The following ERAP1 variants were observed in gnomAD, a reference collection of about 807,000 sequenced individuals.
ERAP1 encodes endoplasmic reticulum aminopeptidase 1, also known as adipocyte-derived leucine aminopeptidase.
ERAP1 carries 86 observed loss-of-function variants against 103.7 expected under a neutral mutation model. The ratio of observed to expected loss-of-function variants is 0.83; its 90% CI spans 0.70 to 0.99. The LOEUF is 0.99. Among genes scored for constraint, ERAP1 ranks in the 50% least tolerant of loss-of-function variants. ERAP1 has a pLI of 0.00. For synonymous variants in ERAP1, 398 were observed against 402.4 expected (o/e 0.99, Z 0.13); for missense variants, 1,009 against 1,128.4 (o/e 0.89, Z 1.52).
chr5:96,874,163 A>G, the ERAP1 span, among the ~76,000 whole-genome samples: 1 of 92,310 alleles, frequency 1.1e-5, no homozygotes, highest in African/African-American at 4.7e-5. Context: ...AGAAAGAAAG[A>G]AAGAAAGAAA....
At chr5:96,912,634 C>T in the ERAP1 span, 1 of 1,595,288 alleles carries the variant, frequency 6.3e-7, no homozygotes. Context: ...CTTGATATTA[C>T]AGTATACCAA....
At chr5:96,798,825 T>C (rs1326960181) in intron 3 of ERAP1, among the ~76,000 whole-genome samples, 1 of 151,788 alleles carries the variant, frequency 6.6e-6, no homozygotes, top group Non-Finnish European at 1.5e-5. Flanking sequence ...AATCATCTTT[T>C]CTTTTTAAAT....
the ERAP1 span, chr5:96,892,210 A>G: frequency 7.5e-7 from 1 of 1,330,882 alleles, no homozygotes; most frequent in Non-Finnish European, 1.1e-6. Flanking sequence ...AAATATGCTT[A>G]AAGGATCATA....
chr5:96,887,596 G>A, the ERAP1 span, among the ~76,000 whole-genome samples: 41 of 152,068 alleles, frequency 2.7e-4, no homozygotes, highest in African/African-American at 7.7e-4. Flanking sequence ...CACCGTGCCC[G>A]ACAGTTTCCA....
rs1774195198 is a variant in ERAP1 at position 96,775,932 on chromosome 5, G to A, written c.*464C>T. The A allele has an allele frequency of 3.9e-6, 4 of 1,020,112 alleles. No homozygotes were observed. The highest frequency in any genetic ancestry group is 1.7e-5 in the African/African-American group (1 of 57,986). The allele number at this position is 1,020,112 out of a possible 1,614,324, so 63.2% of individuals were successfully genotyped here. On this transcript the variant is annotated 3_prime_UTR_variant, in exon 19 of 19. Transcript: ENST00000443439. ...GGCATGGAGCAAGGAAGAGGGATGGGCAGCGGGTCTGGAGGGGTGAGCCGG... is the reference window on the plus strand; with the variant it reads ...GGCATGGAGCAAGGAAGAGGGATGGACAGCGGGTCTGGAGGGGTGAGCCGG...
the ERAP1 span, among the ~76,000 whole-genome samples, chr5:96,890,243 G>C: frequency 1.3e-5 from 2 of 152,226 alleles, no homozygotes. Context: ...CGAAGATTGG[G>C]TGGATGGTTT....
intron 1 of ERAP1, 117 bp from the exon 2 acceptor site, chr5:96,804,060 T>G (rs1364950322): frequency 1.8e-6 from 2 of 1,118,410 alleles, no homozygotes; most frequent in Non-Finnish European, 2.6e-6. Flanking sequence ...CTTCCAAAAG[T>G]ACTAGGTCTT....
At chr5:96,880,143 C>T in the ERAP1 span, 1 of 1,614,030 alleles carries the variant, frequency 6.2e-7, no homozygotes, top group Non-Finnish European at 8.5e-7. Flanking sequence ...CTGCTGGTTC[C>T]AGAGAAACTT....
chr5:96,930,586 T>C, the ERAP1 span, among the ~76,000 whole-genome samples: 2 of 152,222 alleles, frequency 1.3e-5, no homozygotes, highest in African/African-American at 4.8e-5. Flanking sequence ...CAACCCTTTA[T>C]GAGAAATAAC....
At chr5:96,867,456 C>T in the ERAP1 span, among the ~76,000 whole-genome samples, 17 of 152,176 alleles carry the variant, frequency 1.1e-4, no homozygotes, top group Admixed American at 1.0e-3. Context: ...GATGACTCTT[C>T]TCTGCTTCAA....
chr5:96,853,740 G>T, the ERAP1 span, among the ~76,000 whole-genome samples: 2 of 151,728 alleles, frequency 1.3e-5, no homozygotes, highest in East Asian at 1.9e-4. Context: ...GCTTTGGAAA[G>T]ATCACCCACT....
chr5:96,895,860 G>A, the ERAP1 span, among the ~76,000 whole-genome samples: 97 of 152,172 alleles, frequency 6.4e-4, no homozygotes, highest in Non-Finnish European at 1.3e-3. Context: ...TATCAAGGTG[G>A]TTAGTAATGG....
intron 1 of ERAP1, chr5:96,804,887 G>C (rs1275677456): frequency 6.6e-6 from 1 of 150,818 alleles, no homozygotes; most frequent in Non-Finnish European, 1.5e-5. Flanking sequence ...CAGAGTTGCA[G>C]TGAGCTGAGA....
the ERAP1 span, among the ~76,000 whole-genome samples, chr5:96,897,741 A>C: frequency 6.6e-6 from 1 of 152,204 alleles, no homozygotes; most frequent in African/African-American, 2.4e-5. Flanking sequence ...CTGCAAAGAA[A>C]ATAATTTTTT....
the ERAP1 span, among the ~76,000 whole-genome samples, chr5:96,858,818 C>A: frequency 6.6e-6 from 1 of 152,002 alleles, no homozygotes; most frequent in African/African-American, 2.4e-5. Context: ...AATAGAAGCC[C>A]AGCAAAGGAA....
At chr5:96,773,409 G>A (rs1432360830), downstream of ERAP1, 1 of 152,362 alleles carries the variant, frequency 6.6e-6, no homozygotes, top group African/African-American at 2.4e-5. Context: ...TAATTCTTAG[G>A]GTACTCATCT....
exon 20 of ERAP1, chr5:96,763,045 G>T (rs76641636): frequency 0.069 from 51,032 of 744,538 alleles, 2,173 homozygotes; most frequent in Middle Eastern, 0.13. Flanking sequence ...TAAAGGGATT[G>T]CCCTAAACCA....
At chr5:96,834,031 G>A in the ERAP1 span, among the ~76,000 whole-genome samples, 1 of 152,168 alleles carries the variant, frequency 6.6e-6, no homozygotes, top group South Asian at 2.1e-4. Context: ...GCCACAACTA[G>A]TTGAAATGAA....
At chr5:96,875,262 C>T in the ERAP1 span, among the ~76,000 whole-genome samples, 5 of 152,124 alleles carry the variant, frequency 3.3e-5, no homozygotes, top group South Asian at 6.2e-4. Context: ...AGGCCAGTTG[C>T]GGTGTCTCAT....
Sources: allele counts gnomAD v4.1 joint callset (sites outside exome capture counted in the v4.1 genomes callset), GRCh38; gene constraint gnomAD v4.1.1; transcripts MANE v1.5; gene names NCBI Gene and HGNC (gene_info 2026-07-23, HGNC 2026-07-21).